Variants in KCNAB1 observed in about 807,000 individuals in gnomAD.
The protein encoded by KCNAB1 is voltage-gated potassium channel subunit beta-1.
KCNAB1 carries 35 observed loss-of-function variants against 64.6 expected under a neutral mutation model. The observed-to-expected ratio is 0.54, with a 90% confidence interval of 0.41 to 0.72. The LOEUF (loss-of-function observed/expected upper bound fraction) is 0.72, where lower values mean the gene tolerates loss of function less well. KCNAB1 is among the 30% of genes least tolerant of loss of function. The pLI, the probability that KCNAB1 is intolerant of heterozygous loss-of-function variation, is 0.00. For synonymous variants in KCNAB1, 177 were observed against 183.8 expected (o/e 0.96, Z 0.30); for missense variants, 401 against 512.9 (o/e 0.78, Z 2.11).
At chr3:156,421,160 T>C (rs538665237) in intron 1 of KCNAB1, among the ~76,000 whole-genome samples, 1 of 152,336 alleles carries the variant, frequency 6.6e-6, no homozygotes, top group Non-Finnish European at 1.5e-5. Context: ...ACTTACCGTG[T>C]GTCAGGCCAT....
intron 13 of KCNAB1, among the ~76,000 whole-genome samples, chr3:156,532,964 C>T (rs1718803845): frequency 6.6e-6 from 1 of 152,148 alleles, no homozygotes; most frequent in African/African-American, 2.4e-5. Context: ...CAGGACCTGG[C>T]CTTCAAAGAG....
intron 1 of KCNAB1, among the ~76,000 whole-genome samples, chr3:156,156,680 T>G (rs1715745604): frequency 6.6e-6 from 1 of 152,190 alleles, no homozygotes; most frequent in Non-Finnish European, 1.5e-5. Flanking sequence ...GAGAAAGATT[T>G]CAGGGGAGTG....
intron 1 of KCNAB1, among the ~76,000 whole-genome samples, chr3:156,382,495 C>T (rs1057129353): frequency 5.3e-5 from 8 of 152,114 alleles, no homozygotes; most frequent in East Asian, 3.9e-4. Context: ...AACAAACAAA[C>T]GAAAACAAAA....
chr3:156,203,757 A>G (rs1237576335), intron 1 of KCNAB1, among the ~76,000 whole-genome samples: 1 of 152,192 alleles, frequency 6.6e-6, no homozygotes, highest in African/African-American at 2.4e-5. Context: ...TTTTTATCTG[A>G]AAGTATTTTT....
Position 156,223,711 on chromosome 3 carries a change from G to T in KCNAB1, c.275+102825G>T, listed in dbSNP as rs577777224. 5.3e-5 allele frequency among the ~76,000 whole-genome samples: 8 copies of T among 152,294 alleles called. No individual in the cohort carries two copies. In the South Asian group the frequency reaches 1.4e-3, roughly 28 times the overall value. On this transcript the variant is annotated intron_variant, in intron 1 of 13. Coordinates refer to ENST00000490337, the MANE Select transcript of KCNAB1 (RefSeq NM_172160.3). Reference sequence around the variant, plus strand: ...TGATTGGTGCATCCACAGACCCTGAGCTAGACACAGGGTGCTGATTGGTGT... The same window carrying T: ...TGATTGGTGCATCCACAGACCCTGATCTAGACACAGGGTGCTGATTGGTGT...
chr3:156,479,030 A>G (rs1048265434), intron 8 of KCNAB1, among the ~76,000 whole-genome samples: 1 of 152,150 alleles, frequency 6.6e-6, no homozygotes, highest in African/African-American at 2.4e-5. Flanking sequence ...GAGCTTGTGT[A>G]CTTTTTCCTC....
rs1239771901 is a variant in KCNAB1, at chr3:156,412,300, A to G, written c.276-9316A>G. 2.6e-5 allele frequency among the ~76,000 whole-genome samples: 4 copies of G among 152,198 alleles called. 1 individual carries two copies. The highest frequency in any genetic ancestry group is 4.1e-4 in the South Asian group (2 of 4,830). Reference sequence around the variant, plus strand: ...TAGATTCTTTGGGGTTTTTTTCTACATAGACAATCATATCTTCGATGAGAG... The same window carrying G: ...TAGATTCTTTGGGGTTTTTTTCTACGTAGACAATCATATCTTCGATGAGAG... On this transcript the variant is annotated intron_variant, in intron 1 of 13. Coordinates refer to ENST00000490337, the MANE Select transcript of KCNAB1 (RefSeq NM_172160.3).
chr3:156,179,369 A>T (rs965339351), intron 1 of KCNAB1, among the ~76,000 whole-genome samples: 4 of 152,124 alleles, frequency 2.6e-5, no homozygotes, highest in African/African-American at 9.7e-5. Context: ...AAATTTTATA[A>T]AATTAAAAAC....
chr3:156,525,618 C>T (rs187188808), intron 12 of KCNAB1, among the ~76,000 whole-genome samples: 2,372 of 152,212 alleles, frequency 0.016, 59 homozygotes, highest in African/African-American at 0.054. Context: ...CAGGTTCAAG[C>T]GATTCTCCTG....
At chr3:156,273,776 G>A in intron 1 of KCNAB1, 1 of 408,976 alleles carries the variant, frequency 2.4e-6, no homozygotes, top group South Asian at 1.8e-5. Context: ...ATGATCAATG[G>A]AGGCTTCTAT....
rs116663644 is a variant in KCNAB1, at chr3:156,206,030, A to G, written c.275+85144A>G. Reference sequence around the variant, plus strand: ...TTACTACATTACTGTGCACTGTCCTATCATATTCTACCTTCAAGAATCAGG... The same window carrying G: ...TTACTACATTACTGTGCACTGTCCTGTCATATTCTACCTTCAAGAATCAGG... On this transcript the variant is annotated intron_variant, in intron 1 of 13. Coordinates refer to ENST00000490337, the MANE Select transcript of KCNAB1 (RefSeq NM_172160.3). Among the ~76,000 whole-genome samples the G allele has an allele frequency of 6.0e-3, 907 of 152,278 alleles. 11 individuals carry two copies. The highest frequency in any genetic ancestry group is 0.021 in the African/African-American group (866 of 41,554).
At chr3:156,368,272 G>T (rs913609040) in intron 1 of KCNAB1, among the ~76,000 whole-genome samples, 1 of 152,198 alleles carries the variant, frequency 6.6e-6, no homozygotes, top group Non-Finnish European at 1.5e-5. Context: ...GGAGGGCTGG[G>T]AGGTGGCATT....
At chr3:156,354,085 GTATATATATAATA>G in intron 1 of KCNAB1, among the ~76,000 whole-genome samples, 2 of 142,250 alleles carry the variant, frequency 1.4e-5, no homozygotes, top group African/African-American at 5.2e-5. Context: ...ATATATGTGT[GTATATATATAATA>G]TATGTATATA....
intron 1 of KCNAB1, among the ~76,000 whole-genome samples, chr3:156,268,404 G>A (rs1293264826): frequency 6.6e-6 from 1 of 152,122 alleles, no homozygotes. Context: ...GGAATTGCTG[G>A]ATCATATAGT....
chr3:156,535,428 T>TGCTA (rs1718986346), intron 13 of KCNAB1, among the ~76,000 whole-genome samples: 1 of 152,132 alleles, frequency 6.6e-6, no homozygotes, highest in African/African-American at 2.4e-5. Flanking sequence ...TCACAGTAAA[T>TGCTA]GCTAGCCTTG....
chr3:156,138,173 G>A (rs1714483491), intron 1 of KCNAB1, among the ~76,000 whole-genome samples: 1 of 152,216 alleles, frequency 6.6e-6, no homozygotes, highest in Non-Finnish European at 1.5e-5. Context: ...TGGCAAGGGT[G>A]AAGAGAAGAT....
intron 8 of KCNAB1, among the ~76,000 whole-genome samples, chr3:156,507,407 C>G (rs1439547564): frequency 6.6e-6 from 1 of 152,162 alleles, no homozygotes; most frequent in East Asian, 1.9e-4. Context: ...CAAATGGAAC[C>G]AGGCTGTCCT....
intron 1 of KCNAB1, among the ~76,000 whole-genome samples, chr3:156,391,591 T>C (rs1713047451): frequency 6.6e-6 from 1 of 152,220 alleles, no homozygotes. Context: ...CTGGGTTTAA[T>C]ACCTCTACAA....
chr3:156,486,721 G>C (rs1312938666), intron 8 of KCNAB1, among the ~76,000 whole-genome samples: 1 of 152,188 alleles, frequency 6.6e-6, no homozygotes, highest in East Asian at 1.9e-4. Flanking sequence ...CTGGAGGACA[G>C]GGATTTGAGG....
Sources: gnomAD v4.1 joint callset for allele counts (sites outside exome capture counted in the v4.1 genomes callset) on GRCh38, gnomAD v4.1.1 for gene constraint, MANE v1.5 for transcripts, NCBI Gene and HGNC (gene_info 2026-07-23, HGNC 2026-07-21) for gene names.